Variants in CCDC30 observed in about 807,000 individuals in gnomAD.
CCDC30 encodes the protein coiled-coil domain containing 30.
CCDC30 carries 70 observed loss-of-function variants against 100.2 expected under a neutral mutation model. That is an observed-to-expected ratio of 0.70 (90% CI 0.58 to 0.85). The LOEUF is 0.85. Ranked by LOEUF, CCDC30 falls within the 40% of genes least tolerant of loss-of-function variation. The probability of loss-of-function intolerance (pLI) is 0.00; values close to 1 mark genes in which losing one functional copy is unlikely to be tolerated. For missense variants in CCDC30, 652 were observed against 771.2 expected, an observed-to-expected ratio of 0.85 and a Z score of 1.83; for synonymous variants, 233 against 269.5, an observed-to-expected ratio of 0.86 and a Z score of 1.33.
intron 7 of CCDC30, among the ~76,000 whole-genome samples, chr1:42,572,413 C>T (rs541653232): frequency 6.6e-6 from 1 of 151,970 alleles, no homozygotes; most frequent in Non-Finnish European, 1.5e-5. Flanking sequence ...AATACATGAA[C>T]CCTTTATCAG....
intron 16 of CCDC30, 46 bp downstream of exon 20, chr1:42,653,489 C>G: frequency 8.0e-7 from 1 of 1,254,302 alleles, no homozygotes; most frequent in South Asian, 1.3e-5. Flanking sequence ...CTGAGATGGA[C>G]TGTCAGCCAT....
chr1:42,607,556 A>T (rs1489221526), intron 10 of CCDC30, among the ~76,000 whole-genome samples: 12 of 76,454 alleles, frequency 1.6e-4, no homozygotes, highest in Non-Finnish European at 2.7e-4. Flanking sequence ...TTGTCTCTAT[A>T]AAAAAAAAAA....
At chr1:42,527,200 C>A (rs1192371688) in intron 6 of CCDC30, among the ~76,000 whole-genome samples, 1 of 152,234 alleles carries the variant, frequency 6.6e-6, no homozygotes, top group Admixed American at 6.5e-5. Context: ...TACACCCCTA[C>A]TACAGAGCTG....
intron 11 of CCDC30, among the ~76,000 whole-genome samples, chr1:42,627,327 C>T (rs1646952421): frequency 6.6e-6 from 1 of 152,138 alleles, no homozygotes; most frequent in South Asian, 2.1e-4. Context: ...CAAAACGTGA[C>T]TTGGGTGCTG....
intron 10 of CCDC30, among the ~76,000 whole-genome samples, chr1:42,605,041 C>T (rs1472413705): frequency 1.3e-5 from 2 of 152,204 alleles, no homozygotes; most frequent in Non-Finnish European, 1.5e-5. Context: ...CTAACTATGA[C>T]AAGATAGCTA....
At chr1:42,613,478 C>T (rs1362896485) in intron 11 of CCDC30, among the ~76,000 whole-genome samples, 2 of 152,036 alleles carry the variant, frequency 1.3e-5, no homozygotes, top group Non-Finnish European at 2.9e-5. Context: ...AGGATGGTCT[C>T]GATCTTCTGA....
chr1:42,569,575 C>T (rs1398280251), intron 7 of CCDC30, among the ~76,000 whole-genome samples: 2 of 152,288 alleles, frequency 1.3e-5, no homozygotes, highest in East Asian at 1.9e-4. Flanking sequence ...GTGGCTATTC[C>T]TGAGGATCTA....
In CCDC30 at chr1:42,492,654, A is replaced by AT. The variant is rs556146893; in HGVS notation, c.241+2436dup. Among the ~76,000 whole-genome samples, 954 of 149,382 alleles carry AT rather than the reference A, an allele frequency of 6.4e-3. 13 individuals carry two copies. The highest frequency in any genetic ancestry group is 0.022 in the African/African-American group (900 of 40,888). Reference sequence around the variant, plus strand: ...TTGGAAATATTTGGAAATTAAAAAGATTTTTTTTTTTGAGACGGATTCTCA... The same window carrying AT: ...TTGGAAATATTTGGAAATTAAAAAGATTTTTTTTTTTTGAGACGGATTCTCA... On this transcript the variant is annotated intron_variant, in intron 4 of 16. Coordinates refer to ENST00000668663, the Ensembl canonical transcript of CCDC30.
At chr1:42,519,430 G>A in intron 6 of CCDC30, among the ~76,000 whole-genome samples, 1 of 152,224 alleles carries the variant, frequency 6.6e-6, no homozygotes, top group East Asian at 1.9e-4. Flanking sequence ...TCTTTGTTGG[G>A]AGATTTTACT....
intron 10 of CCDC30, chr1:42,590,387 T>A (rs12137914): frequency 4.0e-5 from 6 of 151,828 alleles, no homozygotes; most frequent in African/African-American, 1.5e-4. Flanking sequence ...TACCTGAAAA[T>A]GTGGAAGCAA....
intron 8 of CCDC30, 111 bp from the exon 13 acceptor site, chr1:42,581,249 C>A: frequency 1.3e-6 from 1 of 780,852 alleles, no homozygotes; most frequent in Non-Finnish European, 2.1e-6. Context: ...TACTTCAGGT[C>A]AGATTAATAT....
chr1:42,482,754 A>G (rs969702476), exon 3 of CCDC30: 2 of 1,233,642 alleles, frequency 1.6e-6, no homozygotes, highest in Non-Finnish European at 1.0e-6. Flanking sequence ...GGGGTGGCTC[A>G]TGAAGAGATT....
chr1:42,650,533 G>GTC (rs1648261238), intron 15 of CCDC30, among the ~76,000 whole-genome samples: 1 of 150,886 alleles, frequency 6.6e-6, no homozygotes, highest in Non-Finnish European at 1.5e-5. Flanking sequence ...GTGTGTGTGT[G>GTC]TGTGTGTATA....
At chr1:42,577,104 T>G in exon 8 of CCDC30, 1 of 1,614,128 alleles carries the variant, frequency 6.2e-7, no homozygotes, top group Non-Finnish European at 8.5e-7. Context: ...GTACAAGCAC[T>G]GTCAGCAGAA....
chr1:42,456,508 G>C, the CCDC30 span: 1 of 1,430,360 alleles, frequency 7.0e-7, no homozygotes, highest in Non-Finnish European at 9.1e-7. Context: ...AGGTAGGCGA[G>C]AAGGGGCGTG....
At chr1:42,579,697 G>A (rs1557870582) in intron 8 of CCDC30, among the ~76,000 whole-genome samples, 1 of 150,288 alleles carries the variant, frequency 6.7e-6, no homozygotes, top group East Asian at 2.0e-4. Context: ...GGGAGGAAGG[G>A]AGGAAGGAAG....
Position 42,494,732 on chromosome 1 carries a change from G to T in CCDC30, c.242-2366G>T, listed in dbSNP as rs1644202506. Among the ~76,000 whole-genome samples, 8 of 135,942 alleles carry T rather than the reference G, an allele frequency of 5.9e-5. No individual in the cohort carries two copies. The South Asian group carries it at 2.1e-3, about 35-fold the overall frequency. The allele number at this position is 135,942 out of a possible 152,430, so 89.2% of individuals were successfully genotyped here. ...ACACTTCTCAAAAGAAGACATTTATGCAGCCAAAAAACACATGAAAAAATG... is the reference window on the plus strand; with the variant it reads ...ACACTTCTCAAAAGAAGACATTTATTCAGCCAAAAAACACATGAAAAAATG... On this transcript the variant is annotated intron_variant, in intron 4 of 16. Transcript: ENST00000668663.
chr1:42,485,711 C>T (rs1378005006), intron 3 of CCDC30, among the ~76,000 whole-genome samples: 1 of 151,978 alleles, frequency 6.6e-6, no homozygotes, highest in East Asian at 1.9e-4. Context: ...TGTGAATGAC[C>T]AACAAGCACA....
intron 1 of CCDC30, among the ~76,000 whole-genome samples, chr1:42,479,673 C>T (rs1040863669): frequency 1.3e-5 from 2 of 151,642 alleles, no homozygotes; most frequent in African/African-American, 4.9e-5. Flanking sequence ...TGACACCTGA[C>T]ACTGGAGAGA....
Sources: allele counts gnomAD v4.1 joint callset (sites outside exome capture counted in the v4.1 genomes callset), GRCh38; gene constraint gnomAD v4.1.1; transcripts MANE v1.5; gene names NCBI Gene and HGNC (gene_info 2026-07-23, HGNC 2026-07-21).